NAALAD2: variants seen among roughly 807,000 people sequenced by gnomAD.
The protein encoded by NAALAD2 is N-acetylated alpha-linked acidic dipeptidase 2.
Under a neutral mutation model 95.6 loss-of-function variants are expected in NAALAD2, and 89 were observed. The ratio of observed to expected loss-of-function variants is 0.93; its 90% CI spans 0.78 to 1.11. The LOEUF (loss-of-function observed/expected upper bound fraction) is 1.11. Ranked by LOEUF, NAALAD2 falls within the 50% of genes least tolerant of loss-of-function variation. The probability of loss-of-function intolerance (pLI) is 0.00; values close to 1 mark genes in which losing one functional copy is unlikely to be tolerated. For missense variants in NAALAD2, 894 were observed against 872.4 expected, an observed-to-expected ratio of 1.02 and a Z score of -0.31; for synonymous variants, 264 against 294.4, an observed-to-expected ratio of 0.90 and a Z score of 1.06.
Position 90,149,028 on chromosome 11 carries a change from AACC to A in NAALAD2, c.412_414del (p.Pro138del), listed in dbSNP as rs1192721766. On this transcript the variant is annotated inframe_deletion, in exon 4 of 19. Transcript: ENST00000534061. ...TAGATTTTCAAAACATCATACCTTGAACCACCACCAGATGGCTATGAGAATGTT... is the reference window on the plus strand; with the variant it reads ...TAGATTTTCAAAACATCATACCTTGAACCACCAGATGGCTATGAGAATGTT... 2 of 1,605,404 alleles carry A rather than the reference AACC, an allele frequency of 1.2e-6. No homozygotes were observed. Among genetic ancestry groups the A allele is most frequent in the Admixed American group, 3.4e-5 (2 of 59,474 alleles).
At chr11:90,161,656 C>T (rs532595216) in intron 8 of NAALAD2, among the ~76,000 whole-genome samples, 44 of 152,258 alleles carry the variant, frequency 2.9e-4, no homozygotes, top group African/African-American at 8.9e-4. Context: ...GGTTTAAAGA[C>T]GTAGATGTGC....
chr11:90,175,787 A>G (rs80118111), intron 14 of NAALAD2, among the ~76,000 whole-genome samples, 185 bp from the exon 15 acceptor site: 133 of 152,196 alleles, frequency 8.7e-4, no homozygotes, highest in African/African-American at 3.1e-3. Context: ...TTTTACAGCA[A>G]TTTTCCTGCA....
intron 8 of NAALAD2, 54 bp downstream of exon 8, chr11:90,159,391 CAT>C (rs2134904426): frequency 7.6e-7 from 1 of 1,308,442 alleles, no homozygotes; most frequent in East Asian, 2.3e-5. Context: ...TTAATGGAAA[CAT>C]GTCAAGATAA....
At chr11:90,138,725 C>CTTTTTTTTTTTTTTTTTTTTTTTTTTT (rs562496549) in intron 2 of NAALAD2, among the ~76,000 whole-genome samples, 1 of 61,530 alleles carries the variant, frequency 1.6e-5, no homozygotes, top group African/African-American at 5.6e-5. Context: ...CATCCCTCAA[C>CTTTTTTTTTTTTTTTTTTTTTTTTTTT]TTTTTTTTTT....
At chr11:90,183,227 T>G (rs7122662) in intron 18 of NAALAD2, among the ~76,000 whole-genome samples, 62,506 of 151,932 alleles carry the variant, frequency 0.41, 13,165 homozygotes, top group South Asian at 0.5. Flanking sequence ...AAAGGCTAGT[T>G]AAAAAAGAAC....
chr11:90,179,308 T>C (rs74654703), intron 16 of NAALAD2, among the ~76,000 whole-genome samples: 2,048 of 152,210 alleles, frequency 0.013, 48 homozygotes, highest in African/African-American at 0.046. Flanking sequence ...CTGGGAGATA[T>C]AAATGTGTAC....
At chr11:90,138,725 CTTTTTTT>C (rs562496549) in intron 2 of NAALAD2, among the ~76,000 whole-genome samples, 406 of 61,214 alleles carry the variant, frequency 6.6e-3, no homozygotes, top group African/African-American at 0.021. Context: ...CATCCCTCAA[CTTTTTTT>C]TTTTTTTTTT....
chr11:90,155,812 T>C (rs1366514977), intron 6 of NAALAD2, among the ~76,000 whole-genome samples: 2 of 128,100 alleles, frequency 1.6e-5, no homozygotes, highest in Non-Finnish European at 3.1e-5. Context: ...ATATATAATA[T>C]ATAATATATA....
chr11:90,155,705 TATTATTGTATGTATG>T, intron 6 of NAALAD2, among the ~76,000 whole-genome samples: 1 of 41,396 alleles, frequency 2.4e-5, no homozygotes, highest in African/African-American at 1.9e-4. Context: ...ATGTATGTAT[TATTATTGTATGTATG>T]TAATACATAC....
At chr11:90,155,785 TTACA>T (rs1361256745) in intron 6 of NAALAD2, among the ~76,000 whole-genome samples, 2 of 135,128 alleles carry the variant, frequency 1.5e-5, no homozygotes, top group African/African-American at 5.5e-5. Context: ...ATATGTATTA[TTACA>T]TACATATTAC....
intron 13 of NAALAD2, 32 bp downstream of exon 13, chr11:90,170,168 C>A (rs761416508): frequency 8.1e-7 from 1 of 1,234,572 alleles, no homozygotes; most frequent in Admixed American, 1.7e-5. Context: ...CATATGTTCT[C>A]TTTTGAATGG....
chr11:90,187,532 CTT>C (rs34159250), intron 18 of NAALAD2, among the ~76,000 whole-genome samples: 23,530 of 151,912 alleles, frequency 0.15, 2,266 homozygotes, highest in Middle Eastern at 0.23. Context: ...CATATGCACA[CTT>C]TTTCCAATAA....
Position 90,185,491 on chromosome 11 carries a change from C to A in NAALAD2, c.2033+2483C>A, listed in dbSNP as rs182528966. On this transcript the variant is annotated intron_variant, in intron 18 of 18. Transcript: ENST00000534061. Reference sequence around the variant, plus strand: ...CTCAAGACCAGCCTGGGTAACACAGCGAGACCCTGTTTCTACAAAAAATTT... The same window carrying A: ...CTCAAGACCAGCCTGGGTAACACAGAGAGACCCTGTTTCTACAAAAAATTT... Among the ~76,000 whole-genome samples, 325 of 151,994 alleles carry A rather than the reference C, an allele frequency of 2.1e-3. 2 individuals are homozygous for A. Among genetic ancestry groups the A allele is most frequent in the African/African-American group, 7.4e-3 (305 of 41,432 alleles).
chr11:90,183,649 A>G (rs1857033249), intron 18 of NAALAD2, among the ~76,000 whole-genome samples: 1 of 152,262 alleles, frequency 6.6e-6, no homozygotes, highest in Non-Finnish European at 1.5e-5. Flanking sequence ...TACCCATGCA[A>G]CCACTCTGGT....
At chr11:90,147,291 T>C (rs1424743236) in intron 2 of NAALAD2, 39 bp from the exon 3 acceptor site, 5 of 1,510,136 alleles carry the variant, frequency 3.3e-6, no homozygotes, top group Non-Finnish European at 3.7e-6. Context: ...CGTCTGAGCA[T>C]AGTCTTTAAT....
chr11:90,171,866 C>T (rs893813028), intron 13 of NAALAD2, among the ~76,000 whole-genome samples: 1 of 152,074 alleles, frequency 6.6e-6, no homozygotes, highest in African/African-American at 2.4e-5. Context: ...TCAATTCTGA[C>T]AATGCATGTA....
At chr11:90,159,370 GT>G (rs772628566) in intron 8 of NAALAD2, 33 bp downstream of exon 8, 6 of 1,484,396 alleles carry the variant, frequency 4.0e-6, no homozygotes, top group Non-Finnish European at 2.8e-6. Context: ...GTCTGAAAAA[GT>G]TTTATATTTT....
intron 16 of NAALAD2, among the ~76,000 whole-genome samples, chr11:90,178,835 A>AT (rs890428114): frequency 2.0e-5 from 3 of 152,138 alleles, no homozygotes; most frequent in African/African-American, 7.2e-5. Flanking sequence ...TATATGAAAC[A>AT]TTTTTTCCAT....
chr11:90,139,774 C>T (rs1951556973), intron 2 of NAALAD2, among the ~76,000 whole-genome samples: 1 of 151,184 alleles, frequency 6.6e-6, no homozygotes, highest in African/African-American at 2.4e-5. Context: ...ATTTTCAATA[C>T]AAGAAAAAAA....
Sources: allele counts gnomAD v4.1 joint callset (sites outside exome capture counted in the v4.1 genomes callset), GRCh38; gene constraint gnomAD v4.1.1; transcripts MANE v1.5; gene names NCBI Gene and HGNC (gene_info 2026-07-23, HGNC 2026-07-21).